The following IFT172 variants were observed in gnomAD, a reference collection of about 807,000 sequenced individuals.
The protein encoded by IFT172 is intraflagellar transport 172, also known as intraflagellar transport protein 172 homolog.
Under a neutral mutation model 248.9 loss-of-function variants are expected in IFT172, and 164 were observed. The observed-to-expected ratio is 0.66, with a 90% CI of 0.58 to 0.75. The LOEUF (loss-of-function observed/expected upper bound fraction) is 0.75. Among genes scored for constraint, IFT172 ranks in the 30% least tolerant of loss-of-function variants. IFT172 has a pLI of 0.00. For synonymous variants in IFT172, 729 were observed against 791.6 expected, an observed-to-expected ratio of 0.92 and a Z score of 1.33; for missense variants, 1,950 against 2,192.4, an observed-to-expected ratio of 0.89 and a Z score of 2.21.
chr2:27,485,096 G>T lies in IFT172; in HGVS notation c.218C>A (p.Ala73Asp). 1 of 1,608,142 alleles carries T rather than the reference G, an allele frequency of 6.2e-7. No individual in the cohort carries two copies. The highest frequency in any genetic ancestry group is 2.2e-5 in the East Asian group (1 of 44,812). ...AATTTTAGTGGAATCAGGAGAAAAA[G>T]CCATGCCCTTCACCATATAGCTCTT... ...GRKSYMVKGM[A>D]FSPDSTKIAI... The change falls in exon 3 of 48, where the codon GCT becomes GAT. Residue 73 changes from alanine to aspartate, a missense_variant. Physicochemically the swap from Ala to Asp is moderately radical, Grantham distance 126 (BLOSUM62 -2). This residue lies in a region of IFT172 where 1,166 missense variants were observed against 1,254.1 expected (regional missense o/e 0.93). Transcript: ENST00000260570.
chr2:27,484,940 T>C (rs1324344554), intron 3 of IFT172, 78 bp downstream of exon 3: 2 of 854,884 alleles, frequency 2.3e-6, no homozygotes, highest in African/African-American at 3.4e-5. Flanking sequence ...TCCCCTGTAT[T>C]TCCCCTCCCC....
intron 8 of IFT172, among the ~76,000 whole-genome samples, chr2:27,480,786 G>T (rs145645940): frequency 1.5e-4 from 23 of 152,218 alleles, no homozygotes; most frequent in African/African-American, 5.5e-4. Flanking sequence ...GGTCTCAAAG[G>T]GGGCAATGGA....
At chr2:27,462,856 G>A (rs1024368131) in intron 19 of IFT172, 63 bp from the exon 20 acceptor site, 57 of 1,481,982 alleles carry the variant, frequency 3.8e-5, no homozygotes, top group Non-Finnish European at 5.3e-5. Context: ...TGTGAGGGCT[G>A]AAATTGGAAG....
Position 27,458,219 on chromosome 2 carries a change from G to A in IFT172, c.2882C>T (p.Ala961Val), listed in dbSNP as rs769578794. 11 of 1,613,884 alleles carry A rather than the reference G, an allele frequency of 6.8e-6. No homozygotes were observed. Among genetic ancestry groups the A allele is most frequent in the East Asian group, 2.2e-5 (1 of 44,868 alleles). ...ATCTTCTGGTCTCATGCATTTCATC[G>A]CCAGCTGTGGAGGCACAGAGGCAAG... Reference protein sequence around the residue: ...AGRWEQAHKLAMKCMRPEDVS... With the variant: ...AGRWEQAHKLVMKCMRPEDVS... Residue 961 changes from alanine to valine, a missense_variant, in exon 27 of 48, where the codon GCG becomes GTG. Transcript: ENST00000260570.
chr2:27,451,058 T>G (rs1207157997), intron 35 of IFT172, among the ~76,000 whole-genome samples: 5 of 151,974 alleles, frequency 3.3e-5, no homozygotes, highest in Non-Finnish European at 7.4e-5. Flanking sequence ...AGTGCTGGTA[T>G]AGATGGTCTT....
In IFT172 at chr2:27,479,613, G is replaced by T; in HGVS notation, c.910-9C>A. On this transcript the variant is annotated splice_polypyrimidine_tract_variant and intron_variant, in intron 9 of 47. Coordinates refer to ENST00000260570, the MANE Select transcript of IFT172 (RefSeq NM_015662.3). ...CCACCACATAGTGTGCCCTAGAAGG[G>T]AAAGTGACAGCATAAAAGGTCACAC... is the stretch of plus-strand genomic sequence containing the variant. 2 of 1,552,148 alleles carry T rather than the reference G, an allele frequency of 1.3e-6. No homozygotes were observed. Among genetic ancestry groups the T allele is most frequent in the Non-Finnish European group, 1.8e-6 (2 of 1,123,790 alleles).
rs1336146422 is a variant in IFT172 at position 27,453,476 on chromosome 2, C to T, written c.3859G>A (p.Glu1287Lys). 2 of 1,614,074 alleles carry T rather than the reference C, an allele frequency of 1.2e-6. No homozygotes were observed. Among genetic ancestry groups the T allele is most frequent in the Admixed American group, 1.7e-5 (1 of 60,002 alleles). Reference protein sequence around the residue: ...EGFVEQARHWEQAGEYSRAVD... With the variant: ...EGFVEQARHWKQAGEYSRAVD... The stretch of plus-strand genomic sequence containing the variant: ...GCACGGCTGTACTCTCCAGCCTGCT[C>T]CCAGTGTCGAGCTTGTTCCACAAAT... Residue 1287 changes from glutamate (E) to lysine (K), a missense_variant, in exon 35 of 48, where the codon GAG (glutamate) becomes AAG (lysine). Glu to Lys is a moderately conservative substitution (Grantham distance 56). Around this residue, in one of 3 missense-constraint regions of IFT172, gnomAD observed 620 missense variants for 699.0 expected, o/e 0.89. Transcript: ENST00000260570.
rs761890738 is a variant in IFT172, at chr2:27,483,294, A to G, written c.565T>C (p.Ser189Pro). Residue 189 changes from serine to proline, a missense_variant, in exon 7 of 48, where the codon TCA becomes CCA. Around this residue, in one of 3 missense-constraint regions of IFT172, gnomAD observed 1,166 missense variants for 1,254.1 expected, o/e 0.93. Transcript: ENST00000260570. ...YFFDDEGSGE[S>P]QGKLVNHPCP... ...ACAACATTCTTTATTCATACCTGTGACTCTCCAGAGCCTTCATCATCAAAG... is the reference window on the plus strand; with the variant it reads ...ACAACATTCTTTATTCATACCTGTGGCTCTCCAGAGCCTTCATCATCAAAG... The G allele has an allele frequency of 1.3e-6, 2 of 1,562,608 alleles. No individual in the cohort carries two copies. Among genetic ancestry groups the G allele is most frequent in the South Asian group, 1.1e-5 (1 of 90,000 alleles).
At chr2:27,460,595 C>T (rs1465255084) in intron 23 of IFT172, among the ~76,000 whole-genome samples, 1 of 28,752 alleles carries the variant, frequency 3.5e-5, no homozygotes, top group Non-Finnish European at 7.1e-5. Flanking sequence ...AGCAATACTG[C>T]TTTGTAAAGC....
Position 27,483,955 on chromosome 2 carries a change from A to G in IFT172, c.337-18T>C. On this transcript the variant is annotated intron_variant, in intron 4 of 47. Transcript: ENST00000260570. ...ACAGCACTCTGCGTGGAAGGAAACA[A>G]TGAAAAGGATAACCCCATCTGTGTG... 1.9e-6 allele frequency: 3 copies of G among 1,610,168 alleles called. No homozygotes were observed. Among genetic ancestry groups the G allele is most frequent in the Non-Finnish European group, 2.6e-6 (3 of 1,176,400 alleles).
chr2:27,446,326 T>C lies in IFT172; in HGVS notation c.4689A>G (p.Ser1563=), dbSNP rs370933808. Reference sequence around the variant, plus strand: ...GTAGTAGCTGGGTGTGACGCAAGAGTGAAACAGAAAGCCTGGCAGCCACGG... The same window carrying C: ...GTAGTAGCTGGGTGTGACGCAAGAGCGAAACAGAAAGCCTGGCAGCCACGG... ...LETVAARLSV[S]LLRHTQLLPV... is the part of the protein sequence containing the mutation. The change falls in exon 43 of 48, where the codon TCA becomes TCG. Residue 1563 remains serine, a synonymous_variant. Transcript: ENST00000260570. 7 of 1,614,042 alleles carry C rather than the reference T, an allele frequency of 4.3e-6. No individual in the cohort carries two copies. The African/African-American group carries it at 9.3e-5, about 22-fold the overall frequency.
intron 20 of IFT172, 44 bp downstream of exon 20, chr2:27,462,657 T>C (rs1666769589): frequency 1.3e-6 from 2 of 1,544,758 alleles, no homozygotes; most frequent in East Asian, 4.5e-5. Flanking sequence ...TCTCTCTTTT[T>C]CCCTCATATC....
intron 16 of IFT172, among the ~76,000 whole-genome samples, chr2:27,467,168 ATAAAACT>A (rs1427465394): frequency 6.6e-6 from 1 of 152,190 alleles, no homozygotes; most frequent in African/African-American, 2.4e-5. Flanking sequence ...AAATAATCAA[ATAAAACT>A]TAAAGAAAAA....
chr2:27,479,362 C>T (rs1242441889), intron 10 of IFT172, 147 bp downstream of exon 10: 2 of 624,852 alleles, frequency 3.2e-6, no homozygotes, highest in Non-Finnish European at 3.0e-6. Flanking sequence ...CACGGTGTTG[C>T]CCTGACATAT....
chr2:27,481,831 G>A (rs1312306186), intron 7 of IFT172, among the ~76,000 whole-genome samples: 1 of 151,800 alleles, frequency 6.6e-6, no homozygotes, highest in Non-Finnish European at 1.5e-5. Flanking sequence ...GAGCCACCAC[G>A]CCCAGCATGT....
At chr2:27,447,987 G>A (rs1339574867) in intron 40 of IFT172, 65 bp from the exon 41 acceptor site, 3 of 981,544 alleles carry the variant, frequency 3.1e-6, no homozygotes, top group Non-Finnish European at 5.0e-6. Flanking sequence ...CACTGGAAGT[G>A]GGGCCAAAGG....
At chr2:27,483,993 T>TA (rs917780519) in intron 4 of IFT172, 56 bp from the exon 5 acceptor site, 1 of 1,501,480 alleles carries the variant, frequency 6.7e-7, no homozygotes, top group Admixed American at 1.7e-5. Context: ...CCAGCACTTT[T>TA]ATAACAACTT....
rs1668021422 is a variant in IFT172 at position 27,477,257 on chromosome 2, C to T, written c.1285G>A (p.Gly429Ser). The T allele has an allele frequency of 6.2e-7, 1 of 1,614,048 alleles. No individual in the cohort carries two copies. The highest frequency in any genetic ancestry group is 8.5e-7 in the Non-Finnish European group (1 of 1,180,022). Residue 429 changes from glycine (G) to serine (S), a missense_variant, in exon 13 of 48, where the codon GGT (glycine) becomes AGT (serine). Transcript: ENST00000260570. ...TTCATGAATTCAGTGCGTACAGAAC[C>T]CAGGGTGTCATTATTCCCATATTCC... Reference protein sequence around the residue: ...LVEYGNNDTLGSVRTEFMNPH... With the variant: ...LVEYGNNDTLSSVRTEFMNPH...
At chr2:27,461,594 C>CGT in intron 21 of IFT172, 77 bp from the exon 22 acceptor site, 1 of 1,556,510 alleles carries the variant, frequency 6.4e-7, no homozygotes, top group East Asian at 2.3e-5. Flanking sequence ...TCCAATCCCT[C>CGT]TATAACAAGG....
Sources: gnomAD v4.1 joint callset for allele counts (sites outside exome capture counted in the v4.1 genomes callset) on GRCh38, gnomAD v4.1.1 for gene constraint, gnomAD v4.1.1 regional missense constraint, MANE v1.5 for transcripts, NCBI Gene and HGNC (gene_info 2026-07-23, HGNC 2026-07-21) for gene names.